FBXL7: variants seen among roughly 807,000 people sequenced by gnomAD.
FBXL7 encodes the protein F-box and leucine rich repeat protein 7, also known as F-box/LRR-repeat protein 7.
Under a neutral mutation model 38.3 loss-of-function variants are expected in FBXL7, and 12 were observed. The ratio of observed to expected loss-of-function variants is 0.31; its 90% CI spans 0.20 to 0.51. The LOEUF is 0.51. FBXL7 is among the 20% of genes least tolerant of loss of function. The probability of loss-of-function intolerance (pLI) is 0.98; values close to 1 mark genes in which losing one functional copy is unlikely to be tolerated. For synonymous variants in FBXL7, 297 were observed against 300.9 expected (o/e 0.99, Z 0.13); for missense variants, 567 against 676.4 (o/e 0.84, Z 1.79).
chr5:15,585,095 C>G (rs935129704), intron 1 of FBXL7, among the ~76,000 whole-genome samples: 3 of 152,144 alleles, frequency 2.0e-5, no homozygotes, highest in African/African-American at 7.2e-5. Flanking sequence ...CTGTTAACTT[C>G]TCCTTAACTT....
intron 2 of FBXL7, among the ~76,000 whole-genome samples, chr5:15,746,642 T>A (rs1009630859): frequency 2.0e-5 from 3 of 152,084 alleles, no homozygotes; most frequent in African/African-American, 7.2e-5. Flanking sequence ...AGCCATTGCA[T>A]TGGAGATCAG....
chr5:15,626,057 A>T (rs1448721505), intron 2 of FBXL7, among the ~76,000 whole-genome samples: 1 of 152,188 alleles, frequency 6.6e-6, no homozygotes, highest in Non-Finnish European at 1.5e-5. Context: ...ACTGATTATT[A>T]TAAAGGTTTG....
intron 2 of FBXL7, among the ~76,000 whole-genome samples, chr5:15,844,794 T>A (rs147673577): frequency 6.6e-6 from 1 of 151,974 alleles, no homozygotes; most frequent in East Asian, 1.9e-4. Flanking sequence ...AGGGAACCCA[T>A]GCTTCCACAG....
intron 2 of FBXL7, among the ~76,000 whole-genome samples, chr5:15,707,990 C>G (rs932155506): frequency 6.6e-6 from 1 of 152,180 alleles, no homozygotes; most frequent in Non-Finnish European, 1.5e-5. Flanking sequence ...CAGCTTCTCT[C>G]TTTCCTCCTC....
rs145858857 is a variant in FBXL7, at chr5:15,847,726, TA to T, written c.128-80162del. On this transcript the variant is annotated intron_variant, in intron 2 of 3. Transcript: ENST00000504595. ...GAGATTATCCAAGGAGGACCTGACCTAATCAGGTGAAAGCCCTCAGAAGAGA... is the reference window on the plus strand; with the variant it reads ...GAGATTATCCAAGGAGGACCTGACCTATCAGGTGAAAGCCCTCAGAAGAGA... 2.2e-3 allele frequency among the ~76,000 whole-genome samples: 332 copies of T among 152,270 alleles called. 2 individuals carry two copies. Among genetic ancestry groups the T allele is most frequent in the African/African-American group, 7.6e-3 (315 of 41,550 alleles).
At chr5:15,889,282 A>G (rs896515995) in intron 2 of FBXL7, among the ~76,000 whole-genome samples, 1 of 152,186 alleles carries the variant, frequency 6.6e-6, no homozygotes, top group Non-Finnish European at 1.5e-5. Flanking sequence ...GTGATTACCC[A>G]TTCTTCTGAT....
chr5:15,731,016 G>A (rs1362316633), intron 2 of FBXL7, among the ~76,000 whole-genome samples: 1 of 152,164 alleles, frequency 6.6e-6, no homozygotes, highest in Non-Finnish European at 1.5e-5. Context: ...ACTGATGTCT[G>A]GGAGCATCCT....
chr5:15,914,254 C>A (rs1031927362), intron 2 of FBXL7, among the ~76,000 whole-genome samples: 1 of 151,754 alleles, frequency 6.6e-6, no homozygotes, highest in Non-Finnish European at 1.5e-5. Flanking sequence ...GGCGTGGTGG[C>A]GGGTGCCTGT....
Position 15,937,452 on chromosome 5 carries a change from T to C in FBXL7, c.*266T>C. The C allele has an allele frequency of 2.3e-6, 1 of 427,410 alleles. No homozygotes were observed. The highest frequency in any genetic ancestry group is 4.2e-6 in the Non-Finnish European group (1 of 238,632). 26.5% of individuals were successfully genotyped at this position (427,410 alleles called of 1,614,324 possible). A position where few individuals can be genotyped will look rare whatever the true frequency, so the allele number is the denominator to read the frequency against. On this transcript the variant is annotated 3_prime_UTR_variant, in exon 4 of 4. Transcript: ENST00000504595. The stretch of plus-strand genomic sequence containing the variant: ...CAAAAGATGTACTTAAGCAGGCTGA[T>C]CGCTGTTCCTTGAGCAAGGCGCTTA...
chr5:15,921,800 C>G (rs1000738168), intron 2 of FBXL7, among the ~76,000 whole-genome samples: 1 of 152,160 alleles, frequency 6.6e-6, no homozygotes, highest in Non-Finnish European at 1.5e-5. Flanking sequence ...TGAAATATCA[C>G]CTCACACGTG....
intron 1 of FBXL7, 125 bp downstream of exon 1, chr5:15,500,838 G>A: frequency 8.6e-7 from 1 of 1,160,868 alleles, no homozygotes; most frequent in Non-Finnish European, 1.2e-6. Flanking sequence ...ACCCTGTCTG[G>A]GTCACCACCT....
At chr5:15,913,526 C>T (rs1288859403) in intron 2 of FBXL7, among the ~76,000 whole-genome samples, 1 of 151,762 alleles carries the variant, frequency 6.6e-6, no homozygotes, top group African/African-American at 2.4e-5. Flanking sequence ...ACTATTGCTC[C>T]CTGTGGGGCT....
At chr5:15,504,283 G>T (rs1180006506) in intron 1 of FBXL7, among the ~76,000 whole-genome samples, 2 of 152,152 alleles carry the variant, frequency 1.3e-5, no homozygotes, top group Non-Finnish European at 2.9e-5. Flanking sequence ...TTATAATGCC[G>T]TAAGGGACCA....
chr5:15,643,744 C>T (rs1039272009), intron 2 of FBXL7, among the ~76,000 whole-genome samples: 7 of 152,120 alleles, frequency 4.6e-5, no homozygotes, highest in South Asian at 2.1e-4. Flanking sequence ...TTGTTTCTGC[C>T]GTGCAGCTAA....
At chr5:15,672,990 C>T (rs1742531364) in intron 2 of FBXL7, among the ~76,000 whole-genome samples, 2 of 151,972 alleles carry the variant, frequency 1.3e-5, no homozygotes, top group Non-Finnish European at 2.9e-5. Flanking sequence ...AGTGAAAGTA[C>T]TTGTTCTGAA....
intron 2 of FBXL7, among the ~76,000 whole-genome samples, chr5:15,759,325 T>G (rs1736382136): frequency 1.3e-5 from 2 of 152,150 alleles, no homozygotes; most frequent in South Asian, 4.1e-4. Flanking sequence ...ATTAAATAAT[T>G]TCATTTAAAC....
intron 2 of FBXL7, 93 bp from the exon 3 acceptor site, chr5:15,927,797 A>AGACC (rs2126458101): frequency 1.2e-6 from 1 of 846,472 alleles, no homozygotes; most frequent in Non-Finnish European, 1.5e-6. Context: ...AGAAGAAGAA[A>AGACC]GAAAAGAAAA....
intron 2 of FBXL7, among the ~76,000 whole-genome samples, chr5:15,805,702 A>C (rs1179475572): frequency 6.6e-6 from 1 of 152,196 alleles, no homozygotes; most frequent in African/African-American, 2.4e-5. Context: ...GAGAGAAGTA[A>C]TCTATTCAGA....
chr5:15,505,478 G>A (rs1698291781), intron 1 of FBXL7, among the ~76,000 whole-genome samples: 1 of 152,134 alleles, frequency 6.6e-6, no homozygotes, highest in Admixed American at 6.5e-5. Context: ...GGATAAGTCA[G>A]TAAACAGATG....
Sources: gnomAD v4.1 joint callset for allele counts (sites outside exome capture counted in the v4.1 genomes callset) on GRCh38, gnomAD v4.1.1 for gene constraint, MANE v1.5 for transcripts, NCBI Gene and HGNC (gene_info 2026-07-23, HGNC 2026-07-21) for gene names.